The following GABRB1 variants were observed in gnomAD, a reference collection of about 807,000 sequenced individuals.
The protein encoded by GABRB1 is gamma-aminobutyric acid receptor subunit beta-1.
In GABRB1, 17 loss-of-function variants were observed where a neutral mutation model predicts 51.6. That is an observed-to-expected ratio of 0.33 (90% CI 0.23 to 0.49). The LOEUF is 0.49. Among genes scored for constraint, GABRB1 ranks in the 20% least tolerant of loss-of-function variants. GABRB1 has a pLI of 0.99. For synonymous variants in GABRB1, 247 were observed against 218.9 expected (o/e 1.13, Z -1.14); for missense variants, 410 against 600.6 (o/e 0.68, Z 3.32).
rs185817778 is a variant in GABRB1, at chr4:47,207,549, T to G, written c.461+46080T>G. On this transcript the variant is annotated intron_variant, in intron 4 of 8. Transcript: ENST00000295454. ...AACCCTTTTAGGCTCTGTATGCAAC[T>G]AACTAGATATTGACCAACGGTAACC... Among the ~76,000 whole-genome samples the G allele has an allele frequency of 1.8e-4, 28 of 152,184 alleles. No individual in the cohort carries two copies. The East Asian group carries it at 5.0e-3, about 27-fold the overall frequency.
intron 1 of GABRB1, among the ~76,000 whole-genome samples, chr4:47,012,959 A>G (rs1389450889): frequency 2.0e-5 from 3 of 152,220 alleles, no homozygotes; most frequent in Non-Finnish European, 4.4e-5. Flanking sequence ...CCACAAAAAT[A>G]TAGTTGTAGT....
chr4:47,361,627 C>T (rs1726809668), intron 5 of GABRB1, among the ~76,000 whole-genome samples: 1 of 151,964 alleles, frequency 6.6e-6, no homozygotes, highest in African/African-American at 2.4e-5. Context: ...GTAGCATCTG[C>T]CAAATATGAC....
At chr4:47,228,124 A>T (rs886778547) in intron 4 of GABRB1, among the ~76,000 whole-genome samples, 19 of 152,122 alleles carry the variant, frequency 1.2e-4, no homozygotes, top group African/African-American at 3.6e-4. Context: ...ATGTCCTTCT[A>T]ATGTGCAAAT....
chr4:47,065,936 G>A (rs1727060435), intron 3 of GABRB1, among the ~76,000 whole-genome samples: 1 of 152,140 alleles, frequency 6.6e-6, no homozygotes, highest in Non-Finnish European at 1.5e-5. Flanking sequence ...GATTAGTTAG[G>A]TGTCTGTACT....
intron 5 of GABRB1, among the ~76,000 whole-genome samples, chr4:47,345,682 A>G (rs975456589): frequency 2.0e-5 from 3 of 152,230 alleles, no homozygotes; most frequent in African/African-American, 7.2e-5. Context: ...TCAAAATCCA[A>G]AATGCTCTAA....
chr4:47,172,910 G>C (rs1718504089), intron 4 of GABRB1, among the ~76,000 whole-genome samples: 2 of 151,990 alleles, frequency 1.3e-5, no homozygotes, highest in South Asian at 4.1e-4. Context: ...CCAAAGTGCA[G>C]GTTTATCTTT....
At chr4:47,225,607 C>A (rs760242864) in intron 4 of GABRB1, among the ~76,000 whole-genome samples, 5 of 152,098 alleles carry the variant, frequency 3.3e-5, no homozygotes, top group Non-Finnish European at 7.4e-5. Context: ...AATCACAGAA[C>A]TGATCATTCT....
chr4:47,266,196 A>G (rs1722633705), intron 4 of GABRB1, among the ~76,000 whole-genome samples: 1 of 152,188 alleles, frequency 6.6e-6, no homozygotes, highest in Non-Finnish European at 1.5e-5. Context: ...TAAATAGGGT[A>G]TCCTTTCCCC....
At chr4:47,360,044 C>A (rs916048773) in intron 5 of GABRB1, among the ~76,000 whole-genome samples, 1 of 151,690 alleles carries the variant, frequency 6.6e-6, no homozygotes, top group Non-Finnish European at 1.5e-5. Flanking sequence ...CGGGGAGGAT[C>A]ACCTAATATG....
chr4:47,051,550 T>C (rs764386305), intron 3 of GABRB1, among the ~76,000 whole-genome samples: 29 of 152,194 alleles, frequency 1.9e-4, no homozygotes, highest in Non-Finnish European at 3.5e-4. Flanking sequence ...CACTTCCTCA[T>C]AAAGGCTTTT....
At chr4:47,189,031 G>T (rs997446348) in intron 4 of GABRB1, among the ~76,000 whole-genome samples, 1 of 152,108 alleles carries the variant, frequency 6.6e-6, no homozygotes, top group South Asian at 2.1e-4. Context: ...AATAACTGCA[G>T]TTTAATGGAT....
chr4:47,405,516 A>G (rs1728538018), intron 7 of GABRB1, among the ~76,000 whole-genome samples: 1 of 152,112 alleles, frequency 6.6e-6, no homozygotes, highest in Non-Finnish European at 1.5e-5. Flanking sequence ...GCTATTGTGT[A>G]ACATTTCTAT....
chr4:47,348,350 T>C (rs1342792997), intron 5 of GABRB1, among the ~76,000 whole-genome samples: 1 of 152,232 alleles, frequency 6.6e-6, no homozygotes, highest in Non-Finnish European at 1.5e-5. Context: ...ATGATGGTGA[T>C]GCCAAAAAAC....
intron 4 of GABRB1, among the ~76,000 whole-genome samples, chr4:47,272,927 G>A (rs923997054): frequency 3.9e-5 from 6 of 152,268 alleles, no homozygotes; most frequent in African/African-American, 1.4e-4. Flanking sequence ...AAGCAGGGCA[G>A]GAGTACCATA....
At chr4:47,377,724 A>G (rs1727438612) in intron 5 of GABRB1, among the ~76,000 whole-genome samples, 1 of 151,980 alleles carries the variant, frequency 6.6e-6, no homozygotes, top group Non-Finnish European at 1.5e-5. Flanking sequence ...AGCTAGACAC[A>G]AAGTTCTCCA....
intron 3 of GABRB1, among the ~76,000 whole-genome samples, chr4:47,092,714 G>T (rs1728378472): frequency 6.6e-6 from 1 of 151,262 alleles, no homozygotes; most frequent in Non-Finnish European, 1.5e-5. Flanking sequence ...CCAGGTTCAA[G>T]CAATTCTCTG....
At chr4:47,361,927 A>C (rs1359911744) in intron 5 of GABRB1, among the ~76,000 whole-genome samples, 1 of 152,136 alleles carries the variant, frequency 6.6e-6, no homozygotes, top group South Asian at 2.1e-4. Flanking sequence ...TAGGCTGGAC[A>C]TGTACATTTG....
rs183126366 is a variant in GABRB1 at position 47,294,706 on chromosome 4, A to C, written c.462-25421A>C. Among the ~76,000 whole-genome samples the C allele has an allele frequency of 6.4e-3, 981 of 152,302 alleles. 5 individuals carry two copies. Among genetic ancestry groups the C allele is most frequent in the Non-Finnish European group, 1.0e-2 (679 of 68,018 alleles). On this transcript the variant is annotated intron_variant, in intron 4 of 8. Coordinates refer to ENST00000295454, the MANE Select transcript of GABRB1 (RefSeq NM_000812.4). The stretch of plus-strand genomic sequence containing the variant: ...ACAGACAAACAAAAAGACAGCAGTA[A>C]CCTCTGCAGACTTAAATGTCCCTGT...
chr4:47,392,231 G>C (rs545914819), intron 5 of GABRB1, among the ~76,000 whole-genome samples: 44 of 152,098 alleles, frequency 2.9e-4, no homozygotes, highest in South Asian at 2.1e-3. Context: ...TTATGGAATT[G>C]CCAAAAGAGA....
Sources: gnomAD v4.1 joint callset for allele counts (sites outside exome capture counted in the v4.1 genomes callset) on GRCh38, gnomAD v4.1.1 for gene constraint, MANE v1.5 for transcripts, NCBI Gene and HGNC (gene_info 2026-07-23, HGNC 2026-07-21) for gene names.